The following FAM78B variants were observed in gnomAD, a reference collection of about 807,000 sequenced individuals.
FAM78B encodes protein FAM78B.
A neutral mutation model predicts 20.0 loss-of-function variants in FAM78B; 10 were observed. The observed-to-expected ratio is 0.50, with a 90% CI of 0.31 to 0.85. The LOEUF is 0.85. Among genes scored for constraint, FAM78B ranks in the 40% least tolerant of loss-of-function variants. FAM78B has a pLI of 0.05. For missense variants in FAM78B, 283 were observed against 345.0 expected (o/e 0.82, Z 1.42); for synonymous variants, 135 against 132.8 (o/e 1.02, Z -0.12).
chr1:166,094,507 C>T (rs1181540490), intron 1 of FAM78B, among the ~76,000 whole-genome samples: 3 of 152,184 alleles, frequency 2.0e-5, no homozygotes, highest in Non-Finnish European at 4.4e-5. Flanking sequence ...TGTGGCCAGG[C>T]TGCACTGTGT....
rs182813123 is a variant in FAM78B, at chr1:166,060,024, C to T, written c.*1049G>A. The T allele has an allele frequency of 1.9e-3, 289 of 156,000 alleles. 2 individuals are homozygous for T. The highest frequency in any genetic ancestry group is 3.3e-3 in the Admixed American group (54 of 16,254). The allele number at this position is 156,000 out of a possible 1,614,324, so 9.7% of individuals were successfully genotyped here. A position where few individuals can be genotyped will look rare whatever the true frequency, so the allele number is the denominator to read the frequency against. ...TTTTCCCTCTTAAGGTGGTTCTCCC[C>T]TCACCCCATTGAACCTGGTGACTTA... On this transcript the variant is annotated 3_prime_UTR_variant and NMD_transcript_variant, in exon 3 of 3. Coordinates refer to the FAM78B transcript ENST00000435676.
intron 1 of FAM78B, among the ~76,000 whole-genome samples, chr1:166,103,622 C>T (rs999504759): frequency 7.2e-5 from 11 of 152,062 alleles, no homozygotes; most frequent in South Asian, 2.1e-4. Flanking sequence ...ATAAATTCCT[C>T]GACACATACA....
chr1:166,117,828 T>A (rs1654316537), intron 1 of FAM78B, among the ~76,000 whole-genome samples: 1 of 151,858 alleles, frequency 6.6e-6, no homozygotes, highest in Non-Finnish European at 1.5e-5. Context: ...AGAGGTTGAG[T>A]CAAGCGGGTT....
At chr1:166,165,890 G>A in intron 1 of FAM78B, 96 bp downstream of exon 1, 1 of 1,425,346 alleles carries the variant, frequency 7.0e-7, no homozygotes, top group Non-Finnish European at 9.7e-7. Context: ...AAGACGATGG[G>A]GACAGCAGTA....
At position 166,144,549 on chromosome 1, in the gene FAM78B, T is replaced by C. The variant is rs948630966; in HGVS notation, c.263+21437A>G. Among the ~76,000 whole-genome samples the C allele has an allele frequency of 3.3e-5, 5 of 152,196 alleles. No homozygotes were observed. In the East Asian group the frequency reaches 5.8e-4, roughly 18 times the overall value. ...ACAGGGATGGGGAGAAAGAGGTTGG[T>C]TGTTGTCCTCATGATGGAGCAGGAA... On this transcript the variant is annotated intron_variant, in intron 1 of 1. Transcript: ENST00000354422.
At chr1:166,150,428 T>C (rs1421446894) in intron 1 of FAM78B, among the ~76,000 whole-genome samples, 3 of 152,168 alleles carry the variant, frequency 2.0e-5, no homozygotes, top group Admixed American at 1.3e-4. Context: ...CAGAAGAATA[T>C]AGTAAGTAAA....
intron 1 of FAM78B, among the ~76,000 whole-genome samples, chr1:166,141,617 T>G (rs1341964287): frequency 6.6e-6 from 1 of 152,208 alleles, no homozygotes; most frequent in African/African-American, 2.4e-5. Flanking sequence ...AAAGGAGGCA[T>G]GTTCATACCC....
chr1:166,071,808 T>A (rs995083255), intron 1 of FAM78B, among the ~76,000 whole-genome samples: 5 of 152,142 alleles, frequency 3.3e-5, no homozygotes, highest in African/African-American at 1.2e-4. Context: ...GGCCACTGTA[T>A]CATACTGCCT....
In FAM78B at chr1:166,117,401, G is replaced by A. The variant is rs144423294; in HGVS notation, c.264-46638C>T. 8.6e-3 allele frequency among the ~76,000 whole-genome samples: 1,312 copies of A among 152,058 alleles called. 26 individuals are homozygous for A. The highest frequency in any genetic ancestry group is 0.03 in the African/African-American group (1,235 of 41,442). On this transcript the variant is annotated intron_variant, in intron 1 of 1. Transcript: ENST00000354422. ...TTTTTTTGTAAGGGGATGAGTATCA[G>A]TTGTGAGGCACATTTTCCTTTCTTA...
At chr1:166,121,076 G>A (rs1179281203) in intron 1 of FAM78B, among the ~76,000 whole-genome samples, 3 of 152,112 alleles carry the variant, frequency 2.0e-5, no homozygotes, top group Admixed American at 1.3e-4. Context: ...GTAGAGCCTC[G>A]GGCAATTTTT....
At chr1:166,103,373 T>C (rs886620423) in intron 1 of FAM78B, among the ~76,000 whole-genome samples, 1 of 151,814 alleles carries the variant, frequency 6.6e-6, no homozygotes, top group African/African-American at 2.4e-5. Context: ...CTGAAGGAAA[T>C]AGAGACACAA....
chr1:166,132,902 C>T (rs141437971), intron 1 of FAM78B, among the ~76,000 whole-genome samples: 28 of 152,208 alleles, frequency 1.8e-4, no homozygotes, highest in African/African-American at 6.3e-4. Context: ...TCAAGATGAA[C>T]CATGATTAAA....
intron 1 of FAM78B, among the ~76,000 whole-genome samples, chr1:166,132,936 TG>T (rs1370825049): frequency 6.6e-6 from 1 of 152,092 alleles, no homozygotes; most frequent in Non-Finnish European, 1.5e-5. Context: ...TTTGTAGGGG[TG>T]TAACTGCCAT....
chr1:166,129,643 AC>A (rs551032838), intron 1 of FAM78B, among the ~76,000 whole-genome samples: 255 of 152,184 alleles, frequency 1.7e-3, no homozygotes, highest in Non-Finnish European at 2.8e-3. Context: ...ATTCTGGGAA[AC>A]CCTTTTCTCT....
chr1:166,139,217 G>A (rs996316085), intron 1 of FAM78B, among the ~76,000 whole-genome samples: 1 of 152,144 alleles, frequency 6.6e-6, no homozygotes, highest in Non-Finnish European at 1.5e-5. Flanking sequence ...TTGGAGATGA[G>A]CCAACATAAG....
rs555315701 is a variant in FAM78B, at chr1:166,139,616, A to G, written c.263+26370T>C. Reference sequence around the variant, plus strand: ...CTGGAGGAGGAGGTGGCATTTGAACATCAACAAGACCACACGCATCTGGGA... The same window carrying G: ...CTGGAGGAGGAGGTGGCATTTGAACGTCAACAAGACCACACGCATCTGGGA... On this transcript the variant is annotated intron_variant, in intron 1 of 1. Coordinates refer to ENST00000354422, the MANE Select transcript of FAM78B (RefSeq NM_001017961.5). 2.6e-5 allele frequency among the ~76,000 whole-genome samples: 4 copies of G among 152,250 alleles called. No homozygotes were observed. The South Asian group carries it at 8.3e-4, about 32-fold the overall frequency.
chr1:166,124,052 C>T (rs1654555895), intron 1 of FAM78B, among the ~76,000 whole-genome samples: 1 of 152,142 alleles, frequency 6.6e-6, no homozygotes, highest in African/African-American at 2.4e-5. Flanking sequence ...ATGATCTGAC[C>T]CTGCTTTGGC....
intron 1 of FAM78B, among the ~76,000 whole-genome samples, chr1:166,143,336 A>G (rs1655344704): frequency 6.6e-6 from 1 of 151,978 alleles, no homozygotes; most frequent in African/African-American, 2.4e-5. Flanking sequence ...CAGCATATTC[A>G]AAAGTCTAGA....
intron 1 of FAM78B, among the ~76,000 whole-genome samples, chr1:166,105,645 A>C (rs1207506311): frequency 6.6e-6 from 1 of 152,224 alleles, no homozygotes; most frequent in Non-Finnish European, 1.5e-5. Flanking sequence ...GCAAATCAAA[A>C]CCACAATGAG....
Sources: allele counts gnomAD v4.1 joint callset (sites outside exome capture counted in the v4.1 genomes callset), GRCh38; gene constraint gnomAD v4.1.1; transcripts MANE v1.5; gene names NCBI Gene and HGNC (gene_info 2026-07-23, HGNC 2026-07-21).